TMEM132D: variants seen among roughly 807,000 people sequenced by gnomAD.
TMEM132D encodes the protein mature OL transmembrane protein.
TMEM132D carries 21 observed loss-of-function variants against 62.3 expected under a neutral mutation model. The observed-to-expected ratio is 0.34, with a 90% CI of 0.24 to 0.49. TMEM132D has a LOEUF of 0.49. Among genes scored for constraint, TMEM132D ranks in the 20% least tolerant of loss-of-function variants. TMEM132D has a pLI of 0.99. For missense variants in TMEM132D, 1,346 were observed against 1,402.8 expected (o/e 0.96, Z 0.65); for synonymous variants, 621 against 575.6 (o/e 1.08, Z -1.13).
intron 6 of TMEM132D, among the ~76,000 whole-genome samples, chr12:129,084,188 A>G (rs1874539075): frequency 6.6e-6 from 1 of 152,190 alleles, no homozygotes; most frequent in African/African-American, 2.4e-5. Context: ...CCTTGGCTAC[A>G]GTAACTAGAT....
At chr12:129,080,429 T>G (rs938462420) in intron 7 of TMEM132D, among the ~76,000 whole-genome samples, 9 of 152,316 alleles carry the variant, frequency 5.9e-5, no homozygotes, top group African/African-American at 1.9e-4. Flanking sequence ...TCTCAGCCTT[T>G]AGAGATCATT....
chr12:129,874,472 T>C (rs2137379808), intron 1 of TMEM132D, among the ~76,000 whole-genome samples: 1 of 151,966 alleles, frequency 6.6e-6, no homozygotes, highest in South Asian at 2.1e-4. Context: ...AGGTGATGAA[T>C]GCGTTCATTA....
At chr12:129,441,015 T>G (rs1174570468) in intron 3 of TMEM132D, among the ~76,000 whole-genome samples, 1 of 152,218 alleles carries the variant, frequency 6.6e-6, no homozygotes, top group East Asian at 1.9e-4. Context: ...CTTTGATGAG[T>G]GCTTTGATGC....
chr12:129,310,381 GC>G (rs1200063949), intron 4 of TMEM132D, among the ~76,000 whole-genome samples: 1 of 152,232 alleles, frequency 6.6e-6, no homozygotes, highest in Non-Finnish European at 1.5e-5. Flanking sequence ...CAGCAGCTAA[GC>G]TGTTACCAAT....
intron 2 of TMEM132D, among the ~76,000 whole-genome samples, chr12:129,651,157 G>A (rs759372120): frequency 2.6e-4 from 40 of 152,186 alleles, no homozygotes; most frequent in Non-Finnish European, 1.0e-4. Flanking sequence ...GTGTGTTTGT[G>A]TGTGTGATCA....
At chr12:129,368,655 A>G (rs1870500955) in intron 3 of TMEM132D, among the ~76,000 whole-genome samples, 1 of 152,016 alleles carries the variant, frequency 6.6e-6, no homozygotes, top group African/African-American at 2.4e-5. Context: ...GCATTCAGTG[A>G]CTACCTGATT....
chr12:129,617,766 G>A (rs1878960152), intron 2 of TMEM132D, among the ~76,000 whole-genome samples: 1 of 152,114 alleles, frequency 6.6e-6, no homozygotes, highest in South Asian at 2.1e-4. Context: ...TCTCTCTGAT[G>A]CCTCTTTTCA....
intron 3 of TMEM132D, among the ~76,000 whole-genome samples, chr12:129,509,065 C>G (rs1875424888): frequency 6.6e-6 from 1 of 152,150 alleles, no homozygotes; most frequent in African/African-American, 2.4e-5. Context: ...ATTTACTGAA[C>G]CTACCACTTT....
intron 3 of TMEM132D, among the ~76,000 whole-genome samples, chr12:129,357,282 G>GAGGA (rs1295766232): frequency 6.7e-6 from 1 of 148,708 alleles, no homozygotes; most frequent in East Asian, 2.0e-4. Flanking sequence ...GGGAGGGAGG[G>GAGGA]AGGAAGGAGA....
At chr12:129,864,312 T>C (rs1873991917) in intron 1 of TMEM132D, among the ~76,000 whole-genome samples, 1 of 152,232 alleles carries the variant, frequency 6.6e-6, no homozygotes, top group Non-Finnish European at 1.5e-5. Context: ...CCAGACATCA[T>C]GAAGCAAAGA....
At chr12:129,677,440 A>C (rs1880658307) in intron 2 of TMEM132D, among the ~76,000 whole-genome samples, 1 of 152,210 alleles carries the variant, frequency 6.6e-6, no homozygotes, top group Non-Finnish European at 1.5e-5. Context: ...GCCTAGTCTC[A>C]GGTACAACTT....
intron 5 of TMEM132D, among the ~76,000 whole-genome samples, chr12:129,093,052 A>C (rs967523665): frequency 6.6e-6 from 1 of 152,220 alleles, no homozygotes; most frequent in Non-Finnish European, 1.5e-5. Context: ...GCACTGGAGG[A>C]CACACTGGAC....
chr12:129,090,529 A>C (rs1200375735), intron 5 of TMEM132D, among the ~76,000 whole-genome samples: 1 of 152,136 alleles, frequency 6.6e-6, no homozygotes, highest in African/African-American at 2.4e-5. Flanking sequence ...TTAGCCAGGC[A>C]TGGTGGCATG....
chr12:129,348,237 T>C (rs572472235), intron 3 of TMEM132D, among the ~76,000 whole-genome samples: 2 of 152,216 alleles, frequency 1.3e-5, no homozygotes, highest in Non-Finnish European at 2.9e-5. Context: ...ACCATTCTAC[T>C]ATAAAGACAC....
At chr12:129,665,251 T>C (rs1296357030) in intron 2 of TMEM132D, among the ~76,000 whole-genome samples, 1 of 152,034 alleles carries the variant, frequency 6.6e-6, no homozygotes, top group African/African-American at 2.4e-5. Context: ...ACAGCAGTGA[T>C]TCTCCAAGGA....
At chr12:129,782,170 T>C (rs1011031134) in intron 1 of TMEM132D, among the ~76,000 whole-genome samples, 14 of 152,190 alleles carry the variant, frequency 9.2e-5, no homozygotes, top group Non-Finnish European at 1.8e-4. Context: ...TGCATCACAC[T>C]TACTGGTTCA....
intron 5 of TMEM132D, among the ~76,000 whole-genome samples, chr12:129,095,728 C>T (rs540775723): frequency 3.9e-5 from 6 of 152,096 alleles, no homozygotes; most frequent in African/African-American, 2.4e-5. Flanking sequence ...CACAGGGGAA[C>T]GGTCATGGGA....
intron 4 of TMEM132D, among the ~76,000 whole-genome samples, chr12:129,264,028 T>A (rs1444503643): frequency 6.6e-6 from 1 of 152,164 alleles, no homozygotes; most frequent in Admixed American, 6.5e-5. Flanking sequence ...GTCTCTTGAC[T>A]GAGTGCTTTC....
chr12:129,526,358 C>A (rs1876037660), intron 3 of TMEM132D, among the ~76,000 whole-genome samples: 1 of 152,132 alleles, frequency 6.6e-6, no homozygotes, highest in Non-Finnish European at 1.5e-5. Flanking sequence ...GATCTCGGCT[C>A]ACCTCAACTT....
Sources: allele counts gnomAD v4.1 joint callset (sites outside exome capture counted in the v4.1 genomes callset), GRCh38; gene constraint gnomAD v4.1.1; transcripts MANE v1.5; gene names NCBI Gene and HGNC (gene_info 2026-07-23, HGNC 2026-07-21).